Variants in TPST1 observed in about 807,000 individuals in gnomAD.
TPST1 encodes the protein tyrosylprotein sulfotransferase 1.
A neutral mutation model predicts 34.8 loss-of-function variants in TPST1; 20 were observed. The observed-to-expected ratio is 0.57, with a 90% CI of 0.40 to 0.84. The LOEUF is 0.84. Among genes scored for constraint, TPST1 ranks in the 40% least tolerant of loss-of-function variants. TPST1 has a pLI of 0.00. For synonymous variants in TPST1, 152 were observed against 159.4 expected, an observed-to-expected ratio of 0.95 and a Z score of 0.35; for missense variants, 353 against 455.5, an observed-to-expected ratio of 0.78 and a Z score of 2.05.
intron 2 of TPST1, 68 bp downstream of exon 2, chr7:66,241,338 T>A (rs1790032070): frequency 2.6e-6 from 4 of 1,510,504 alleles, no homozygotes; most frequent in African/African-American, 1.4e-5. Flanking sequence ...CATATGTATG[T>A]ATGTGTTTTA....
At chr7:66,357,393 G>A (rs1287819346) in intron 5 of TPST1, among the ~76,000 whole-genome samples, 5 of 152,206 alleles carry the variant, frequency 3.3e-5, no homozygotes, top group African/African-American at 7.2e-5. Context: ...ACTTGCAGAT[G>A]TTTTTGCCCT....
At chr7:66,199,098 G>A in the TPST1 span, among the ~76,000 whole-genome samples, 1 of 152,084 alleles carries the variant, frequency 6.6e-6, no homozygotes, top group Admixed American at 6.6e-5. Flanking sequence ...TTTCCTGGCA[G>A]GACCCTGAGT....
rs537918698 is a variant in TPST1, at chr7:66,312,229, A to G, written c.1044+25520A>G. 2.6e-5 allele frequency among the ~76,000 whole-genome samples: 4 copies of G among 152,338 alleles called. No homozygotes were observed. In the East Asian group the frequency reaches 7.7e-4, roughly 29 times the overall value. On this transcript the variant is annotated intron_variant, in intron 3 of 5. Transcript: ENST00000304842. The stretch of plus-strand genomic sequence containing the variant: ...CCCTCATCCTTCTCTTTCTGCCTTC[A>G]TTAGTGAGAGTACTTTTTGAGAGCA...
At chr7:66,276,433 G>C (rs928264857) in intron 2 of TPST1, among the ~76,000 whole-genome samples, 24 of 137,120 alleles carry the variant, frequency 1.8e-4, no homozygotes, top group African/African-American at 6.6e-4. Context: ...GAGTGCAGTG[G>C]TGTGATCTCG....
chr7:66,240,869 G>A lies in TPST1; in HGVS notation c.444G>A (p.Lys148=), dbSNP rs1029832121. The change falls in exon 2 of 6, where the codon AAG becomes AAA. Residue 148 remains lysine (K), a synonymous_variant. Transcript: ENST00000304842. Reference sequence around the variant, plus strand: ...CCTTCTTACTAGAAATTATCGTTAAGCATGGGGAGCCAGCCCCTTATTTAT... The same window carrying A: ...CCTTCTTACTAGAAATTATCGTTAAACATGGGGAGCCAGCCCCTTATTTAT... ...MQAFLLEIIV[K]HGEPAPYLCN... 1.4e-5 allele frequency: 23 copies of A among 1,614,074 alleles called. No homozygotes were observed. The highest frequency in any genetic ancestry group is 1.9e-5 in the Non-Finnish European group (23 of 1,180,052).
At chr7:66,224,983 T>C (rs1248536187) in intron 1 of TPST1, among the ~76,000 whole-genome samples, 1 of 136,808 alleles carries the variant, frequency 7.3e-6, no homozygotes, top group Admixed American at 8.2e-5. Flanking sequence ...AATGGCACGA[T>C]CTTGGCTCAC....
chr7:66,228,050 T>G (rs1789701329), intron 1 of TPST1, among the ~76,000 whole-genome samples: 3 of 152,176 alleles, frequency 2.0e-5, no homozygotes, highest in Non-Finnish European at 4.4e-5. Flanking sequence ...GACAAGGAAA[T>G]GCATTACAAG....
chr7:66,313,414 CA>C (rs1053081911), intron 3 of TPST1, among the ~76,000 whole-genome samples: 1 of 151,118 alleles, frequency 6.6e-6, no homozygotes, highest in African/African-American at 2.4e-5. Flanking sequence ...GACTTGATCT[CA>C]AAAAAAATAA....
intron 3 of TPST1, among the ~76,000 whole-genome samples, chr7:66,294,414 C>G (rs1791150051): frequency 6.6e-6 from 1 of 152,016 alleles, no homozygotes; most frequent in Non-Finnish European, 1.5e-5. Context: ...CTTTAATTGA[C>G]AAATTTATGC....
chr7:66,316,482 G>A (rs1791635585), intron 3 of TPST1, among the ~76,000 whole-genome samples: 1 of 152,158 alleles, frequency 6.6e-6, no homozygotes, highest in Non-Finnish European at 1.5e-5. Context: ...TCATGCTAAT[G>A]TTTTGTATCA....
intron 2 of TPST1, among the ~76,000 whole-genome samples, chr7:66,280,247 A>G (rs1790906238): frequency 6.6e-6 from 1 of 152,182 alleles, no homozygotes; most frequent in Admixed American, 6.5e-5. Context: ...GCCACCCAGC[A>G]TTCTTGGGCT....
At chr7:66,319,922 AC>A (rs1208647120) in intron 3 of TPST1, among the ~76,000 whole-genome samples, 7 of 151,776 alleles carry the variant, frequency 4.6e-5, no homozygotes, top group African/African-American at 1.7e-4. Context: ...CTCCCCTCCT[AC>A]CCCTCCAAAT....
At chr7:66,230,030 A>C (rs890055038) in intron 1 of TPST1, among the ~76,000 whole-genome samples, 2 of 152,192 alleles carry the variant, frequency 1.3e-5, no homozygotes, top group Non-Finnish European at 2.9e-5. Flanking sequence ...CTACTAAAAA[A>C]TACAAAAATT....
rs577126874 is a variant in TPST1 at position 66,222,354 on chromosome 7, C to A, written c.-102+16832C>A. On this transcript the variant is annotated intron_variant, in intron 1 of 5. Coordinates refer to ENST00000304842, the MANE Select transcript of TPST1 (RefSeq NM_003596.4). ...TGAGCTGAGATCGTGCCACTGCACT[C>A]CAGCCTGGGCCACAGAGTGAGACTC... Among the ~76,000 whole-genome samples the A allele has an allele frequency of 8.6e-4, 131 of 151,686 alleles. 1 individual carries two copies. Among genetic ancestry groups the A allele is most frequent in the African/African-American group, 3.0e-3 (126 of 41,316 alleles).
chr7:66,313,520 C>T (rs1006345334), intron 3 of TPST1, among the ~76,000 whole-genome samples: 2 of 152,098 alleles, frequency 1.3e-5, no homozygotes, highest in Non-Finnish European at 2.9e-5. Context: ...GGCAGTGATC[C>T]TTAGCTTATG....
At chr7:66,200,611 G>A (rs1463143821), upstream of TPST1, among the ~76,000 whole-genome samples, 1 of 151,816 alleles carries the variant, frequency 6.6e-6, no homozygotes, top group East Asian at 1.9e-4. Context: ...TAGTAGAGAC[G>A]GGGTTTCACC....
intron 3 of TPST1, among the ~76,000 whole-genome samples, chr7:66,321,974 T>C (rs1053592332): frequency 4.6e-5 from 7 of 152,358 alleles, no homozygotes; most frequent in East Asian, 3.9e-4. Flanking sequence ...TTTTGATATG[T>C]ACACTTCATG....
At chr7:66,300,575 G>T (rs1791294492) in intron 3 of TPST1, among the ~76,000 whole-genome samples, 1 of 152,298 alleles carries the variant, frequency 6.6e-6, no homozygotes, top group African/African-American at 2.4e-5. Context: ...AAGGTTTGCA[G>T]TTGACTTTGT....
intron 3 of TPST1, among the ~76,000 whole-genome samples, chr7:66,299,334 GT>G (rs1297078665): frequency 3.4e-5 from 4 of 117,908 alleles, no homozygotes; most frequent in Non-Finnish European, 3.6e-5. Flanking sequence ...AAATGTGTTT[GT>G]TTTTTTTTTA....
Sources: allele counts gnomAD v4.1 joint callset (sites outside exome capture counted in the v4.1 genomes callset), GRCh38; gene constraint gnomAD v4.1.1; transcripts MANE v1.5; gene names NCBI Gene and HGNC (gene_info 2026-07-23, HGNC 2026-07-21).